KIAA1328: variants seen among roughly 807,000 people sequenced by gnomAD.
KIAA1328 encodes protein hinderin.
A neutral mutation model predicts 68.1 loss-of-function variants in KIAA1328; 52 were observed. That is an observed-to-expected ratio of 0.76 (90% CI 0.61 to 0.96). KIAA1328 has a LOEUF of 0.96. Among genes scored for constraint, KIAA1328 ranks in the 40% least tolerant of loss-of-function variants. The pLI is 0.00. For synonymous variants in KIAA1328, 232 were observed against 239.4 expected (o/e 0.97, Z 0.28); for missense variants, 641 against 677.6 (o/e 0.95, Z 0.60).
intron 7 of KIAA1328, among the ~76,000 whole-genome samples, chr18:37,080,631 C>T (rs568541090): frequency 3.4e-4 from 51 of 151,852 alleles, no homozygotes; most frequent in African/African-American, 9.7e-4. Context: ...AAAAATTAGC[C>T]GGGCATGGTG....
At chr18:37,169,437 T>A (rs1473024105) in intron 8 of KIAA1328, among the ~76,000 whole-genome samples, 1 of 152,150 alleles carries the variant, frequency 6.6e-6, no homozygotes, top group Non-Finnish European at 1.5e-5. Context: ...AGTGCTGGGA[T>A]TACAGGCCTG....
At chr18:36,969,522 A>C (rs2052084478) in intron 6 of KIAA1328, among the ~76,000 whole-genome samples, 1 of 152,168 alleles carries the variant, frequency 6.6e-6, no homozygotes. Context: ...CTATGCACAC[A>C]AACTAGAAAA....
At chr18:36,888,913 A>G (rs557825929) in intron 5 of KIAA1328, among the ~76,000 whole-genome samples, 15 of 152,330 alleles carry the variant, frequency 9.8e-5, no homozygotes, top group African/African-American at 3.4e-4. Context: ...GTGAGAAACT[A>G]TATCCATTAA....
At chr18:37,139,821 C>G (rs1022415754) in intron 7 of KIAA1328, among the ~76,000 whole-genome samples, 3 of 152,052 alleles carry the variant, frequency 2.0e-5, no homozygotes, top group Non-Finnish European at 4.4e-5. Flanking sequence ...GTAAATAAGG[C>G]CCCATTAAAA....
intron 6 of KIAA1328, among the ~76,000 whole-genome samples, chr18:37,052,330 A>G (rs973833748): frequency 5.3e-5 from 8 of 152,196 alleles, no homozygotes; most frequent in African/African-American, 1.9e-4. Flanking sequence ...CTAGGTGTTA[A>G]AGAATATACC....
At position 36,847,857 on chromosome 18, in the gene KIAA1328, A is replaced by G. The variant is rs903851866; in HGVS notation, c.332+3555A>G. ...TTTTCTATGTTAGAAAAGACTTCCTACAGAATTACCTTAGCCTCCTTGTCA... is the reference window on the plus strand; with the variant it reads ...TTTTCTATGTTAGAAAAGACTTCCTGCAGAATTACCTTAGCCTCCTTGTCA... On this transcript the variant is annotated intron_variant, in intron 4 of 9. Coordinates refer to ENST00000280020, the MANE Select transcript of KIAA1328 (RefSeq NM_020776.3). Among the ~76,000 whole-genome samples the G allele has an allele frequency of 2.6e-5, 4 of 151,806 alleles. No homozygotes were observed. In the South Asian group the frequency reaches 6.2e-4, roughly 24 times the overall value.
chr18:37,177,950 A>G (rs2059626192), intron 9 of KIAA1328, among the ~76,000 whole-genome samples: 1 of 152,070 alleles, frequency 6.6e-6, no homozygotes, highest in Non-Finnish European at 1.5e-5. Context: ...CGCCTCATAC[A>G]TTTATCATTT....
chr18:37,010,391 C>T lies in KIAA1328; in HGVS notation c.576+50956C>T, dbSNP rs184650559. Among the ~76,000 whole-genome samples, 14 of 132,210 alleles carry T rather than the reference C, an allele frequency of 1.1e-4. No homozygotes were observed. The East Asian group carries it at 2.8e-3, about 27-fold the overall frequency. The allele number at this position is 132,210 out of a possible 152,430, so 86.7% of individuals were successfully genotyped here. A position where few individuals can be genotyped will look rare whatever the true frequency, so the allele number is the denominator to read the frequency against. The stretch of plus-strand genomic sequence containing the variant: ...CCAGGAGGTGGAGATTGCAGTGAGC[C>T]GAGATTGTGACACTGCACTCCAGCC... On this transcript the variant is annotated intron_variant, in intron 6 of 9. Transcript: ENST00000280020.
chr18:37,124,724 C>G (rs2058351635), intron 7 of KIAA1328, among the ~76,000 whole-genome samples: 1 of 152,160 alleles, frequency 6.6e-6, no homozygotes. Flanking sequence ...CATTCTGGCT[C>G]AGAATGTTCT....
chr18:37,209,468 A>G (rs999061849), intron 9 of KIAA1328, among the ~76,000 whole-genome samples: 12 of 150,340 alleles, frequency 8.0e-5, no homozygotes, highest in South Asian at 6.3e-4. Context: ...TAATGTGTGT[A>G]TGTGTGTGTG....
At chr18:36,923,552 G>T (rs1182526233) in intron 5 of KIAA1328, among the ~76,000 whole-genome samples, 2 of 152,092 alleles carry the variant, frequency 1.3e-5, no homozygotes, top group Non-Finnish European at 2.9e-5. Flanking sequence ...ACATGAAAGG[G>T]ATAAATAGAT....
chr18:36,861,836 T>A (rs149750868), intron 4 of KIAA1328, among the ~76,000 whole-genome samples: 193 of 151,558 alleles, frequency 1.3e-3, no homozygotes, highest in African/African-American at 4.6e-3. Context: ...ACTCAACTAA[T>A]TTTTTTTTCT....
chr18:36,954,018 C>T (rs1229945051), intron 5 of KIAA1328, among the ~76,000 whole-genome samples: 5 of 30,328 alleles, frequency 1.6e-4, no homozygotes, highest in South Asian at 1.7e-3. Context: ...TTTTTTGAGA[C>T]GGAGTCTCGC....
At chr18:37,088,871 T>C (rs1284285933) in intron 7 of KIAA1328, among the ~76,000 whole-genome samples, 1 of 152,164 alleles carries the variant, frequency 6.6e-6, no homozygotes, top group Non-Finnish European at 1.5e-5. Context: ...ATCAAAGACA[T>C]ATTAAGAAAG....
intron 7 of KIAA1328, among the ~76,000 whole-genome samples, chr18:37,068,671 T>C (rs879939673): frequency 3.3e-5 from 5 of 152,334 alleles, no homozygotes; most frequent in Admixed American, 3.3e-4. Flanking sequence ...ATTGGATCAT[T>C]TGGGTGTTTT....
In KIAA1328 at chr18:37,224,956, A is replaced by G; in HGVS notation, c.*2729A>G. The G allele has an allele frequency of 1.0e-6, 1 of 985,492 alleles. No homozygotes were observed. Among genetic ancestry groups the G allele is most frequent in the South Asian group, 4.7e-5 (1 of 21,290 alleles). The allele number at this position is 985,492 out of a possible 1,614,324, so 61.0% of individuals were successfully genotyped here. ...AGAGAACCAAAGTGAATCATAGAAAAGCTTTTGCTAACAGTCCGCTTTCCA... is the reference window on the plus strand; with the variant it reads ...AGAGAACCAAAGTGAATCATAGAAAGGCTTTTGCTAACAGTCCGCTTTCCA... On this transcript the variant is annotated 3_prime_UTR_variant, in exon 10 of 10. Coordinates refer to ENST00000280020, the MANE Select transcript of KIAA1328 (RefSeq NM_020776.3).
At chr18:37,176,595 A>G (rs1307135500) in intron 9 of KIAA1328, among the ~76,000 whole-genome samples, 3 of 152,134 alleles carry the variant, frequency 2.0e-5, no homozygotes. Flanking sequence ...TGTACCATTC[A>G]TTTCTGCTTG....
chr18:37,173,247 G>A (rs2059535694), intron 9 of KIAA1328, among the ~76,000 whole-genome samples, 166 bp downstream of exon 9: 1 of 152,178 alleles, frequency 6.6e-6, no homozygotes, highest in Admixed American at 6.5e-5. Context: ...ACCACATGGA[G>A]TCCTTTTCTT....
chr18:37,041,640 T>TTG lies in KIAA1328; in HGVS notation c.577-25214_577-25213dup, dbSNP rs56237948. Among the ~76,000 whole-genome samples, 1,070 of 146,990 alleles carry TTG rather than the reference T, an allele frequency of 7.3e-3. 9 individuals carry two copies. The highest frequency in any genetic ancestry group is 0.013 in the African/African-American group (505 of 39,664). ...TCCTTCCTTACTGCCTTTTTTGTGT[T>TTG]TGTGTGTGTGTGTGTGTGTGTGTGT... On this transcript the variant is annotated intron_variant, in intron 6 of 9. Coordinates refer to ENST00000280020, the MANE Select transcript of KIAA1328 (RefSeq NM_020776.3).
Sources: gnomAD v4.1 joint callset for allele counts (sites outside exome capture counted in the v4.1 genomes callset) on GRCh38, gnomAD v4.1.1 for gene constraint, MANE v1.5 for transcripts, NCBI Gene and HGNC (gene_info 2026-07-23, HGNC 2026-07-21) for gene names.